Variants in KLF12 observed in about 807,000 individuals in gnomAD.
KLF12 encodes KLF transcription factor 12, also known as Krueppel-like factor 12.
In KLF12, 9 loss-of-function variants were observed where a neutral mutation model predicts 37.8. That is an observed-to-expected ratio of 0.24 (90% CI 0.14 to 0.42). KLF12 has a LOEUF of 0.42. Ranked by LOEUF, KLF12 falls within the 10% of genes least tolerant of loss-of-function variation. The probability of loss-of-function intolerance (pLI) is 1.00; values close to 1 mark genes in which losing one functional copy is unlikely to be tolerated. For missense variants in KLF12, 411 were observed against 516.0 expected, an observed-to-expected ratio of 0.80 and a Z score of 1.97; for synonymous variants, 208 against 202.1, an observed-to-expected ratio of 1.03 and a Z score of -0.25.
At chr13:73,805,801 T>C (rs1566380687) in intron 5 of KLF12, among the ~76,000 whole-genome samples, 1 of 152,044 alleles carries the variant, frequency 6.6e-6, no homozygotes, top group Admixed American at 6.6e-5. Flanking sequence ...AGCTGAGGCA[T>C]AAAGTTTTTT....
At chr13:74,048,193 C>A (rs1893597791) in intron 1 of KLF12, among the ~76,000 whole-genome samples, 1 of 152,216 alleles carries the variant, frequency 6.6e-6, no homozygotes, top group African/African-American at 2.4e-5. Context: ...GCTCACTATA[C>A]ATCAGCTTAC....
At chr13:74,256,079 C>A in the KLF12 span, among the ~76,000 whole-genome samples, 1 of 151,252 alleles carries the variant, frequency 6.6e-6, no homozygotes, top group South Asian at 2.1e-4. Context: ...GGCGTGAACC[C>A]AGAAGGCGGA....
At chr13:73,749,260 G>C (rs1878577366) in intron 6 of KLF12, among the ~76,000 whole-genome samples, 1 of 152,136 alleles carries the variant, frequency 6.6e-6, no homozygotes, top group African/African-American at 2.4e-5. Context: ...AAGAAAAAAA[G>C]ATATTTATTC....
intron 1 of KLF12, among the ~76,000 whole-genome samples, chr13:74,057,465 G>C (rs969809258): frequency 6.6e-6 from 1 of 152,136 alleles, no homozygotes; most frequent in Non-Finnish European, 1.5e-5. Flanking sequence ...AAAAGCAATC[G>C]AAACGATGGC....
intron 3 of KLF12, among the ~76,000 whole-genome samples, chr13:73,892,064 G>C (rs1887532246): frequency 6.6e-6 from 1 of 151,766 alleles, no homozygotes. Flanking sequence ...CTCCTTCACA[G>C]CAAGTATTTA....
At chr13:73,994,816 AT>A (rs1892063834) in intron 2 of KLF12, among the ~76,000 whole-genome samples, 173 bp downstream of exon 2, 1 of 152,152 alleles carries the variant, frequency 6.6e-6, no homozygotes, top group African/African-American at 2.4e-5. Flanking sequence ...CTTCCATATA[AT>A]TTTTTAAGGG....
chr13:73,764,905 C>G, intron 6 of KLF12, 33 bp downstream of exon 6: 2 of 1,252,088 alleles, frequency 1.6e-6, no homozygotes, highest in Non-Finnish European at 2.3e-6. Flanking sequence ...TCCCGTAAGA[C>G]CTACAAATAC....
At chr13:74,065,141 A>G (rs762108814) in intron 1 of KLF12, among the ~76,000 whole-genome samples, 1 of 151,986 alleles carries the variant, frequency 6.6e-6, no homozygotes, top group Non-Finnish European at 1.5e-5. Context: ...CTTCATACAC[A>G]CATTTTACTG....
intron 1 of KLF12, among the ~76,000 whole-genome samples, chr13:74,105,394 A>C (rs971734636): frequency 6.6e-6 from 1 of 152,174 alleles, no homozygotes; most frequent in Non-Finnish European, 1.5e-5. Context: ...TAATCTGTAT[A>C]GTGAAGGAAA....
At chr13:73,740,253 T>C (rs1020581354) in intron 6 of KLF12, among the ~76,000 whole-genome samples, 1 of 152,212 alleles carries the variant, frequency 6.6e-6, no homozygotes, top group Non-Finnish European at 1.5e-5. Flanking sequence ...CCTTCTACCA[T>C]GTGAAGACAC....
the KLF12 span, among the ~76,000 whole-genome samples, chr13:74,247,431 G>A: frequency 6.6e-6 from 1 of 152,188 alleles, no homozygotes. Context: ...TCTTGAATCA[G>A]TTTTTTGGCA....
chr13:73,783,966 A>G lies in KLF12; in HGVS notation c.807-18966T>C, dbSNP rs1881144396. The stretch of plus-strand genomic sequence containing the variant: ...AAAACACCTCCAATGTCACAAGTCC[A>G]CAGAACGCTGCTCAATGTACTTAAG... On this transcript the variant is annotated intron_variant, in intron 5 of 7. Coordinates refer to ENST00000377669, the MANE Select transcript of KLF12 (RefSeq NM_007249.5). Among the ~76,000 whole-genome samples, 3 of 152,140 alleles carry G rather than the reference A, an allele frequency of 2.0e-5. 1 individual carries two copies. Among genetic ancestry groups the G allele is most frequent in the Admixed American group, 2.0e-4 (3 of 15,276 alleles).
chr13:74,248,741 A>G, the KLF12 span, among the ~76,000 whole-genome samples: 1 of 152,068 alleles, frequency 6.6e-6, no homozygotes, highest in African/African-American at 2.4e-5. Context: ...AGCCATGGGG[A>G]GGAAGCAGAC....
the KLF12 span, among the ~76,000 whole-genome samples, chr13:74,154,270 T>C: frequency 6.6e-6 from 1 of 152,128 alleles, no homozygotes; most frequent in Admixed American, 6.6e-5. Flanking sequence ...AGTAGGGCCT[T>C]GAAAAAGGTA....
At chr13:74,265,490 C>T in the KLF12 span, among the ~76,000 whole-genome samples, 2 of 152,236 alleles carry the variant, frequency 1.3e-5, no homozygotes, top group Middle Eastern at 3.4e-3. Context: ...GACCTGTGGT[C>T]GTTTTCTGGT....
chr13:73,754,426 T>A (rs1158622213), intron 6 of KLF12, among the ~76,000 whole-genome samples: 2 of 152,084 alleles, frequency 1.3e-5, no homozygotes, highest in African/African-American at 4.8e-5. Context: ...TTGCCTCTCA[T>A]CACGCAGGCC....
chr13:74,160,858 T>G, the KLF12 span, among the ~76,000 whole-genome samples: 1 of 152,102 alleles, frequency 6.6e-6, no homozygotes, highest in Non-Finnish European at 1.5e-5. Context: ...CTCGTTGTTT[T>G]GTGGGAATTA....
In KLF12 at chr13:74,109,444, TGAA is replaced by T. The variant is rs1876851993; in HGVS notation, c.-32+24292_-32+24294del. On this transcript the variant is annotated intron_variant, in intron 1 of 7. Coordinates refer to ENST00000377669, the MANE Select transcript of KLF12 (RefSeq NM_007249.5). The stretch of plus-strand genomic sequence containing the variant: ...CAGATATATAAGGTTTCCCAACATT[TGAA>T]GAATAGATAATATATTTTGTAATAA... Among the ~76,000 whole-genome samples, 5 of 152,048 alleles carry T rather than the reference TGAA, an allele frequency of 3.3e-5. No homozygotes were observed. The South Asian group carries it at 1.0e-3, about 31-fold the overall frequency.
At chr13:73,986,946 T>C (rs1174811289) in intron 2 of KLF12, among the ~76,000 whole-genome samples, 2 of 152,208 alleles carry the variant, frequency 1.3e-5, no homozygotes, top group Non-Finnish European at 2.9e-5. Context: ...GTGTTTTTTT[T>C]TCAAAACCAC....
Sources: allele counts gnomAD v4.1 joint callset (sites outside exome capture counted in the v4.1 genomes callset), GRCh38; gene constraint gnomAD v4.1.1; transcripts MANE v1.5; gene names NCBI Gene and HGNC (gene_info 2026-07-23, HGNC 2026-07-21).